The following TUBB8B variants were observed in gnomAD, a reference collection of about 807,000 sequenced individuals.
TUBB8B encodes tubulin beta 8B, also known as HSA18p11 beta-tubulin 4Q pseudogene.
In TUBB8B, 26 loss-of-function variants were observed where a neutral mutation model predicts 31.9. The observed-to-expected ratio is 0.81, with a 90% confidence interval of 0.60 to 1.13. The LOEUF (loss-of-function observed/expected upper bound fraction) is 1.13, where lower values mean the gene tolerates loss of function less well. TUBB8B is among the 50% of genes most tolerant of loss of function. TUBB8B has a pLI of 0.00. For missense variants in TUBB8B, 467 were observed against 586.7 expected (o/e 0.80, Z 2.11); for synonymous variants, 173 against 231.0 (o/e 0.75, Z 2.28).
At chr18:51,588 C>A (rs76112443), upstream of TUBB8B, among the ~76,000 whole-genome samples, 1 of 131,572 alleles carries the variant, frequency 7.6e-6, no homozygotes, top group Non-Finnish European at 1.7e-5. Flanking sequence ...TACAGGCACC[C>A]ACCACCATGC....
At position 47,990 on chromosome 18, in the gene TUBB8B, C is replaced by T; in HGVS notation, c.735G>A (p.Gln245=). 1 of 1,612,160 alleles carries T rather than the reference C, an allele frequency of 6.2e-7. No individual in the cohort carries two copies. The highest frequency in any genetic ancestry group is 8.5e-7 in the Non-Finnish European group (1 of 1,179,944). The change falls in exon 4 of 4, where the codon CAG becomes CAA. Residue 245 remains glutamine, a synonymous_variant. Transcript: ENST00000308911. ...GVTTCLRFPG[Q]LNADLRKLAV... ...CCAGCTTCCGCAGGTCAGCATTCAG[C>T]TGGCCTGGGAAGCGCAGGCATGTGG... is the stretch of plus-strand genomic sequence containing the variant.
chr18:52,311 C>T (rs957074044), upstream of TUBB8B, among the ~76,000 whole-genome samples: 13 of 151,418 alleles, frequency 8.6e-5, no homozygotes, highest in Admixed American at 3.9e-4. Flanking sequence ...GGCAGAAAGG[C>T]AACAATATGC....
Position 49,160 on chromosome 18 carries a change from C to T in TUBB8B, c.135G>A (p.Glu45=). ...CCTCGTGGTGGTGCACGTTGATGCGCTCCAGCTGCAGGTGGCTGTCCCCGT... is the reference window on the plus strand; with the variant it reads ...CCTCGTGGTGGTGCACGTTGATGCGTTCCAGCTGCAGGTGGCTGTCCCCGT... ...TYHGDSHLQL[E]RINVHHHEAS... The change falls in exon 2 of 4, where the codon GAG becomes GAA. Residue 45 remains glutamate (E), a synonymous_variant. Coordinates refer to ENST00000308911, the MANE Select transcript of TUBB8B (RefSeq NM_001358689.2). The T allele has an allele frequency of 9.5e-7, 1 of 1,055,318 alleles. No individual in the cohort carries two copies. The highest frequency in any genetic ancestry group is 3.2e-4 in the Middle Eastern group (1 of 3,092). The allele number at this position is 1,055,318 out of a possible 1,614,324, so 65.4% of individuals were successfully genotyped here. A position where few individuals can be genotyped will look rare whatever the true frequency, so the allele number is the denominator to read the frequency against.
At chr18:70,649 A>C in the TUBB8B span, among the ~76,000 whole-genome samples, 1 of 104,926 alleles carries the variant, frequency 9.5e-6, no homozygotes, top group African/African-American at 4.8e-5. Flanking sequence ...AAGAAAAAGA[A>C]AAAAGAAAAA....
At chr18:62,202 T>G in the TUBB8B span, among the ~76,000 whole-genome samples, 1 of 151,654 alleles carries the variant, frequency 6.6e-6, no homozygotes, top group Non-Finnish European at 1.5e-5. Flanking sequence ...AAGTCTGCTG[T>G]CAGATGTATT....
upstream of TUBB8B, among the ~76,000 whole-genome samples, chr18:54,425 T>A (rs970046157): frequency 3.3e-5 from 5 of 151,792 alleles, no homozygotes; most frequent in Non-Finnish European, 5.9e-5. Context: ...AAATGTATAA[T>A]TAAATTTTTT....
the TUBB8B span, among the ~76,000 whole-genome samples, chr18:64,903 C>T: frequency 6.6e-6 from 1 of 152,110 alleles, no homozygotes; most frequent in Non-Finnish European, 1.5e-5. Flanking sequence ...AGTAAACCAA[C>T]CCATACCCAA....
the TUBB8B span, among the ~76,000 whole-genome samples, chr18:66,987 G>GT: frequency 1.1e-3 from 149 of 133,292 alleles, no homozygotes; most frequent in African/African-American, 1.1e-3. Context: ...TTATTTTCTT[G>GT]TTTTTTTTGT....
At chr18:51,503 G>T (rs201564077), upstream of TUBB8B, among the ~76,000 whole-genome samples, 103 of 135,708 alleles carry the variant, frequency 7.6e-4, no homozygotes, top group South Asian at 9.4e-4. Flanking sequence ...GCATTATCAT[G>T]ATCTTGGCTC....
At chr18:51,842 TGTGA>T (rs1435192107), upstream of TUBB8B, among the ~76,000 whole-genome samples, 3 of 151,948 alleles carry the variant, frequency 2.0e-5, no homozygotes, top group Admixed American at 6.6e-5. Flanking sequence ...CATGTGCAAC[TGTGA>T]GTCAATTAAA....
the TUBB8B span, among the ~76,000 whole-genome samples, chr18:63,440 A>G: frequency 1.8e-3 from 276 of 151,768 alleles, 5 homozygotes; most frequent in East Asian, 0.047. Flanking sequence ...CTCTGAAACC[A>G]GCAGTCTCTC....
In TUBB8B at chr18:47,759, G is replaced by C. The variant is rs765549392; in HGVS notation, c.966C>G (p.Pro322=). The change falls in exon 4 of 4, where the codon CCC becomes CCG. Residue 322 remains proline, a synonymous_variant. Transcript: ENST00000308911. ...TVAAIFRGRM[P]MREVDEQMFN... ...ACATTTGTTCATCCACCTCCCTCAT[G>C]GGCATGCGACCCCTGAAAATGGCAG... is the stretch of plus-strand genomic sequence containing the variant. 1 of 1,611,382 alleles carries C rather than the reference G, an allele frequency of 6.2e-7. No individual in the cohort carries two copies. The highest frequency in any genetic ancestry group is 1.7e-5 in the Admixed American group (1 of 60,002).
chr18:62,125 CTTT>C, the TUBB8B span, among the ~76,000 whole-genome samples: 1 of 150,578 alleles, frequency 6.6e-6, no homozygotes, highest in Non-Finnish European at 1.5e-5. Flanking sequence ...AAAGTAAAGT[CTTT>C]TTTTTTCCTT....
the TUBB8B span, among the ~76,000 whole-genome samples, chr18:62,689 G>A: frequency 6.6e-6 from 1 of 151,762 alleles, no homozygotes; most frequent in Admixed American, 6.6e-5. Flanking sequence ...CCAAAGTGCT[G>A]GGATTACAGG....
chr18:54,971 A>G, the TUBB8B span, among the ~76,000 whole-genome samples: 1 of 152,028 alleles, frequency 6.6e-6, no homozygotes, highest in African/African-American at 2.4e-5. Flanking sequence ...TCTTCTTTTC[A>G]TAAATGTCCA....
chr18:48,118 C>A lies in TUBB8B; in HGVS notation c.607G>T (p.Asp203Tyr), dbSNP rs1411772422. 6.2e-7 allele frequency: 1 copy of A among 1,614,156 alleles called. No individual in the cohort carries two copies. The highest frequency in any genetic ancestry group is 1.7e-5 in the Admixed American group (1 of 60,034). ...IENADETFCI[D>Y]NEALYDICSR... is the part of the protein sequence containing the mutation. The stretch of plus-strand genomic sequence containing the variant: ...CATATGTCATATAGCGCTTCGTTAT[C>A]TATGCAGAAGGTCTCATCCGCGTTT... The change falls in exon 4 of 4, where the codon GAT becomes TAT. Residue 203 changes from aspartate to tyrosine, a missense_variant. This residue lies in a region of TUBB8B where 259 missense variants were observed against 380.1 expected (regional missense o/e 0.68). Transcript: ENST00000308911.
chr18:52,913 C>A (rs1388187895), upstream of TUBB8B, among the ~76,000 whole-genome samples: 1 of 151,754 alleles, frequency 6.6e-6, no homozygotes, highest in African/African-American at 2.4e-5. Flanking sequence ...TTGGAAGGTG[C>A]AGATGTACTC....
chr18:56,251 C>T, the TUBB8B span, among the ~76,000 whole-genome samples: 1 of 151,772 alleles, frequency 6.6e-6, no homozygotes, highest in Admixed American at 6.6e-5. Context: ...AATTTAAAAC[C>T]ATGTAATGGG....
chr18:64,399 G>A, the TUBB8B span, among the ~76,000 whole-genome samples: 1 of 152,152 alleles, frequency 6.6e-6, no homozygotes, highest in Non-Finnish European at 1.5e-5. Flanking sequence ...TAAAGGAAGT[G>A]CTAATTAAAA....
Sources: gnomAD v4.1 joint callset for allele counts (sites outside exome capture counted in the v4.1 genomes callset) on GRCh38, gnomAD v4.1.1 for gene constraint, gnomAD v4.1.1 regional missense constraint, MANE v1.5 for transcripts, NCBI Gene and HGNC (gene_info 2026-07-23, HGNC 2026-07-21) for gene names.